Variants in RUNX1 observed in about 807,000 individuals in gnomAD.
The protein encoded by RUNX1 is RUNX family transcription factor 1.
In RUNX1, 19 loss-of-function variants were observed where a neutral mutation model predicts 42.8. The observed-to-expected ratio is 0.44, with a 90% CI of 0.31 to 0.65. The LOEUF (loss-of-function observed/expected upper bound fraction) is 0.65. RUNX1 is among the 30% of genes least tolerant of loss of function. The pLI is 0.07. For synonymous variants in RUNX1, 271 were observed against 289.4 expected (o/e 0.94, Z 0.64); for missense variants, 528 against 672.0 (o/e 0.79, Z 2.37).
At chr21:34,801,089 C>A (rs1010035909) in intron 7 of RUNX1, among the ~76,000 whole-genome samples, 1 of 151,586 alleles carries the variant, frequency 6.6e-6, no homozygotes, top group African/African-American at 2.4e-5. Context: ...CATGCTACTG[C>A]AAGTATTTTG....
At chr21:34,999,477 C>T (rs2059023705) in intron 2 of RUNX1, among the ~76,000 whole-genome samples, 1 of 152,216 alleles carries the variant, frequency 6.6e-6, no homozygotes, top group Non-Finnish European at 1.5e-5. Context: ...GATTCTCAGG[C>T]TGTTGCTCAA....
At chr21:35,015,686 C>T (rs757336243) in intron 2 of RUNX1, among the ~76,000 whole-genome samples, 12 of 152,174 alleles carry the variant, frequency 7.9e-5, no homozygotes, top group Admixed American at 2.6e-4. Flanking sequence ...AGCAAAGGAG[C>T]ATCTGTTGAG....
At chr21:34,971,481 A>G (rs1444283350) in intron 2 of RUNX1, among the ~76,000 whole-genome samples, 1 of 151,998 alleles carries the variant, frequency 6.6e-6, no homozygotes, top group Non-Finnish European at 1.5e-5. Context: ...ATCACCTTCC[A>G]GATACATTTA....
chr21:34,966,176 G>A (rs980649008), intron 2 of RUNX1, among the ~76,000 whole-genome samples: 1 of 152,166 alleles, frequency 6.6e-6, no homozygotes, highest in Non-Finnish European at 1.5e-5. Context: ...TGGTTAATTT[G>A]CCCAAGATCA....
At chr21:34,967,281 T>C (rs187370325) in intron 2 of RUNX1, among the ~76,000 whole-genome samples, 5 of 115,822 alleles carry the variant, frequency 4.3e-5, no homozygotes, top group Non-Finnish European at 8.1e-5. Context: ...AATCGCATCA[T>C]TGCACTCCAG....
chr21:34,872,622 G>A (rs933728122), intron 5 of RUNX1, among the ~76,000 whole-genome samples: 3 of 152,204 alleles, frequency 2.0e-5, no homozygotes, highest in Non-Finnish European at 2.9e-5. Flanking sequence ...GAGGCAGAAT[G>A]TCAGAATAAA....
In RUNX1 at chr21:34,887,103, G is replaced by C; in HGVS notation, c.98-7C>G. ...CGGCGGCTCGTGCTGGCATCTACGG[G>C]GATACGCATCACAACAAGCCGATTG... is the stretch of plus-strand genomic sequence containing the variant. On this transcript the variant is annotated splice_region_variant and splice_polypyrimidine_tract_variant and intron_variant, in intron 3 of 8. Transcript: ENST00000675419. 6.3e-7 allele frequency: 1 copy of C among 1,598,108 alleles called. No homozygotes were observed.
chr21:34,949,688 T>C (rs1027095356), intron 2 of RUNX1, among the ~76,000 whole-genome samples: 9 of 152,230 alleles, frequency 5.9e-5, no homozygotes, highest in Admixed American at 2.6e-4. Flanking sequence ...GGCAGGCTGA[T>C]AGAGGCTGTG....
intron 6 of RUNX1, among the ~76,000 whole-genome samples, chr21:34,841,981 A>T (rs1292622410): frequency 6.6e-6 from 1 of 152,178 alleles, no homozygotes; most frequent in Non-Finnish European, 1.5e-5. Context: ...AACCAACTGG[A>T]GCCTAGGAGG....
At chr21:34,835,530 C>T (rs1235324759) in intron 6 of RUNX1, among the ~76,000 whole-genome samples, 1 of 152,170 alleles carries the variant, frequency 6.6e-6, no homozygotes, top group Non-Finnish European at 1.5e-5. Flanking sequence ...GCAGAGGCCA[C>T]TCATGGGGGA....
intron 7 of RUNX1, among the ~76,000 whole-genome samples, chr21:34,818,152 G>A (rs2056856007): frequency 1.3e-5 from 2 of 152,324 alleles, no homozygotes; most frequent in East Asian, 1.9e-4. Context: ...TCAAGTTTCA[G>A]TGCTGGGGTG....
At chr21:34,923,300 C>G (rs914765340) in intron 2 of RUNX1, among the ~76,000 whole-genome samples, 3 of 152,192 alleles carry the variant, frequency 2.0e-5, no homozygotes, top group African/African-American at 7.2e-5. Flanking sequence ...TTAAATTGGG[C>G]TCCTTAAGAG....
rs528969676 is a variant in RUNX1 at position 34,826,673 on chromosome 21, G to A, written c.805+7737C>T. 8.6e-5 allele frequency among the ~76,000 whole-genome samples: 13 copies of A among 151,662 alleles called. No individual in the cohort carries two copies. In the East Asian group the frequency reaches 1.7e-3, roughly 20 times the overall value. The stretch of plus-strand genomic sequence containing the variant: ...TTGGCCAGCCTGCTCTCGAACTCCC[G>A]ACCTCAAGTGATCTGCCTGCCTTGG... On this transcript the variant is annotated intron_variant, in intron 7 of 8. Transcript: ENST00000675419.
rs2057264285 is a variant in RUNX1, at chr21:34,843,099, C to A, written c.614-8498G>T. ...AACAAAACAAAACAAAATATAGATA[C>A]ACATGGACACACATGTATAAACACA... is the stretch of plus-strand genomic sequence containing the variant. On this transcript the variant is annotated intron_variant, in intron 6 of 8. Coordinates refer to ENST00000675419, the MANE Select transcript of RUNX1 (RefSeq NM_001754.5). The surrounding 1 kb of genome is among the most constrained non-coding windows in gnomAD (Gnocchi z 4.8). Among the ~76,000 whole-genome samples the A allele has an allele frequency of 6.6e-6, 1 of 152,012 alleles. No homozygotes were observed. The highest frequency in any genetic ancestry group is 2.1e-4 in the South Asian group (1 of 4,816).
intron 7 of RUNX1, among the ~76,000 whole-genome samples, chr21:34,808,180 C>T (rs1310179149): frequency 1.3e-5 from 2 of 152,260 alleles, no homozygotes; most frequent in Non-Finnish European, 2.9e-5. Context: ...CCGTTCGTCT[C>T]TGGCCGGCTG....
At chr21:34,874,653 C>T (rs1476341095) in intron 5 of RUNX1, among the ~76,000 whole-genome samples, 2 of 131,666 alleles carry the variant, frequency 1.5e-5, no homozygotes, top group Non-Finnish European at 3.1e-5. Context: ...CACCATCTCT[C>T]CTTGTCAACA....
At chr21:34,922,578 A>T (rs1026049164) in intron 2 of RUNX1, among the ~76,000 whole-genome samples, 1 of 152,170 alleles carries the variant, frequency 6.6e-6, no homozygotes, top group Non-Finnish European at 1.5e-5. Flanking sequence ...AAAGAGAGAA[A>T]CAGTGATCTA....
At chr21:34,796,538 G>C (rs1182706156) in intron 8 of RUNX1, among the ~76,000 whole-genome samples, 1 of 152,190 alleles carries the variant, frequency 6.6e-6, no homozygotes, top group African/African-American at 2.4e-5. Context: ...TTTAAGAGTA[G>C]GAAATCTGGG....
intron 2 of RUNX1, among the ~76,000 whole-genome samples, chr21:34,941,806 ATTTC>A (rs981387045): frequency 6.7e-6 from 1 of 150,162 alleles, no homozygotes; most frequent in Non-Finnish European, 1.5e-5. Context: ...ATAGATGATG[ATTTC>A]TTTTTCTTTT....
Sources: gnomAD v4.1 joint callset for allele counts (sites outside exome capture counted in the v4.1 genomes callset) on GRCh38, gnomAD v4.1.1 for gene constraint, Gnocchi (gnomAD v3.1) non-coding constraint, MANE v1.5 for transcripts, NCBI Gene and HGNC (gene_info 2026-07-23, HGNC 2026-07-21) for gene names.